SMU1: variants seen among roughly 807,000 people sequenced by gnomAD.
SMU1 encodes SMU1 DNA replication regulator and spliceosomal factor, also known as WD40 repeat-containing protein SMU1.
In SMU1, 2 loss-of-function variants were observed where a neutral mutation model predicts 62.0. The ratio of observed to expected loss-of-function variants is 0.03; its 90% confidence interval spans 0.01 to 0.10. SMU1 has a LOEUF of 0.10. SMU1 is among the 10% of genes least tolerant of loss of function. The pLI is 1.00. For missense variants in SMU1, 227 were observed against 622.1 expected, an observed-to-expected ratio of 0.36 and a Z score of 6.76; for synonymous variants, 188 against 212.4, an observed-to-expected ratio of 0.89 and a Z score of 1.00.
At chr9:33,068,510 ATTTATT>A (rs1839451253) in intron 4 of SMU1, among the ~76,000 whole-genome samples, 3 of 152,066 alleles carry the variant, frequency 2.0e-5, no homozygotes, top group South Asian at 4.1e-4. Flanking sequence ...CACTTTTTAA[ATTTATT>A]TTTATTTTTG....
chr9:33,063,212 A>G (rs1053610651), intron 4 of SMU1, among the ~76,000 whole-genome samples: 2 of 152,212 alleles, frequency 1.3e-5, no homozygotes, highest in Non-Finnish European at 2.9e-5. Context: ...AATTACAAAA[A>G]TTAGCCAGGC....
rs1839156000 is a variant in SMU1, at chr9:33,044,124, G to A, written c.*3169C>T. The A allele has an allele frequency of 6.6e-6, 1 of 152,144 alleles. No homozygotes were observed. The highest frequency in any genetic ancestry group is 1.5e-5 in the Non-Finnish European group (1 of 68,028). The allele number at this position is 152,144 out of a possible 1,614,324, so 9.4% of individuals were successfully genotyped here. A position where few individuals can be genotyped will look rare whatever the true frequency, so the allele number is the denominator to read the frequency against. ...GCTCATGGAATTAATTTTAACGCCA[G>A]GTAGTTTAGCTTCTATGTTAAGTGC... On this transcript the variant is annotated 3_prime_UTR_variant, in exon 12 of 12. Coordinates refer to ENST00000397149, the MANE Select transcript of SMU1 (RefSeq NM_018225.3).
chr9:33,069,705 G>A (rs1839465340), intron 3 of SMU1, among the ~76,000 whole-genome samples: 1 of 152,182 alleles, frequency 6.6e-6, no homozygotes, highest in African/African-American at 2.4e-5. Flanking sequence ...GGGAGGCTGA[G>A]GCAGGAGAAT....
At chr9:33,072,004 T>C in intron 2 of SMU1, 112 bp from the exon 3 acceptor site, 1 of 1,078,500 alleles carries the variant, frequency 9.3e-7, no homozygotes, top group Non-Finnish European at 1.3e-6. Context: ...GGATTTCCAA[T>C]ACCAGGAAGT....
chr9:33,053,961 A>G (rs1839277730), intron 9 of SMU1, among the ~76,000 whole-genome samples: 1 of 152,130 alleles, frequency 6.6e-6, no homozygotes, highest in Non-Finnish European at 1.5e-5. Flanking sequence ...GTCATAAACA[A>G]CCAGAAAGCT....
rs1277437857 is a variant in SMU1 at position 33,043,656 on chromosome 9, T to G, written c.*3637A>C. 1 of 152,156 alleles carries G rather than the reference T, an allele frequency of 6.6e-6. No homozygotes were observed. Among genetic ancestry groups the G allele is most frequent in the African/African-American group, 2.4e-5 (1 of 41,418 alleles). 9.4% of individuals were successfully genotyped at this position (152,156 alleles called of 1,614,324 possible). A position where few individuals can be genotyped will look rare whatever the true frequency, so the allele number is the denominator to read the frequency against. On this transcript the variant is annotated 3_prime_UTR_variant, in exon 12 of 12. Coordinates refer to ENST00000397149, the MANE Select transcript of SMU1 (RefSeq NM_018225.3). ...GCATGTGGAGGAACAATCCATGTAT[T>G]CTTTGTCCCTGCCCAAACCTAAAGA...
intron 11 of SMU1, among the ~76,000 whole-genome samples, 193 bp downstream of exon 11, chr9:33,047,913 G>A (rs1010698293): frequency 1.3e-5 from 2 of 151,952 alleles, no homozygotes; most frequent in Non-Finnish European, 1.5e-5. Flanking sequence ...TTAAGCCACC[G>A]AGATTTGGGG....
chr9:33,064,912 T>C (rs906415394), intron 4 of SMU1, among the ~76,000 whole-genome samples: 1 of 152,086 alleles, frequency 6.6e-6, no homozygotes, highest in Non-Finnish European at 1.5e-5. Context: ...CCAGCTAATT[T>C]TTCTATTTTT....
In SMU1 at chr9:33,068,953, T is replaced by C; in HGVS notation, c.391-19A>G. 1 of 1,612,892 alleles carries C rather than the reference T, an allele frequency of 6.2e-7. No homozygotes were observed. Among genetic ancestry groups the C allele is most frequent in the Non-Finnish European group, 8.5e-7 (1 of 1,179,338 alleles). On this transcript the variant is annotated intron_variant, in intron 3 of 11. Transcript: ENST00000397149. ...GGTATGCCTGAAAAAGGAGAGGGTG[T>C]AGCATCATTTCCAAGAAGCAACAAC...
chr9:33,076,527 C>T lies in SMU1; in HGVS notation c.26+56G>A, dbSNP rs1587715404. The T allele has an allele frequency of 5.0e-6, 8 of 1,608,570 alleles. No individual in the cohort carries two copies. In the East Asian group the frequency reaches 1.8e-4, roughly 36 times the overall value. ...CTTCTCCCGAGTACCCTCCGCCCCA[C>T]ACCCTTAACCTCCAGGCCCCCGGCA... On this transcript the variant is annotated intron_variant, in intron 1 of 11. Transcript: ENST00000397149.
intron 10 of SMU1, 162 bp from the exon 11 acceptor site, chr9:33,048,420 G>T: frequency 4.7e-6 from 2 of 424,284 alleles, no homozygotes; most frequent in Non-Finnish European, 3.2e-6. Flanking sequence ...AACTCCCCTT[G>T]CCTGGGAAAT....
At chr9:33,055,742 A>G (rs962367793) in intron 9 of SMU1, among the ~76,000 whole-genome samples, 1 of 152,224 alleles carries the variant, frequency 6.6e-6, no homozygotes, top group African/African-American at 2.4e-5. Context: ...AAAGAGATCT[A>G]TTTATTAGGC....
At chr9:33,074,772 CTT>C (rs757049046) in intron 1 of SMU1, among the ~76,000 whole-genome samples, 48 of 133,898 alleles carry the variant, frequency 3.6e-4, no homozygotes, top group African/African-American at 1.0e-3. Context: ...CAAACATCCT[CTT>C]TTTTTTTTTT....
Position 33,048,036 on chromosome 9 carries a change from A to G in SMU1, c.1443+70T>C, listed in dbSNP as rs1451045021. 6.8e-6 allele frequency: 10 copies of G among 1,460,862 alleles called. No homozygotes were observed. The East Asian group carries it at 1.8e-4, about 27-fold the overall frequency. 90.5% of individuals were successfully genotyped at this position (1,460,862 alleles called of 1,614,324 possible). ...ACATCGATAGCTCTGGAAAAGGCAC[A>G]TACTTCAGAGTTCAGAAAGACACAA... On this transcript the variant is annotated intron_variant, in intron 11 of 11. Transcript: ENST00000397149.
intron 3 of SMU1, 136 bp downstream of exon 3, chr9:33,071,604 C>A: frequency 1.1e-6 from 1 of 896,142 alleles, no homozygotes. Context: ...CATATATAAA[C>A]AGAGAAGCAT....
Position 33,057,691 on chromosome 9 carries a change from A to T in SMU1, c.774T>A (p.Asp258Glu), listed in dbSNP as rs538564093. The change falls in exon 7 of 12, where the codon GAT (aspartate) becomes GAA (glutamate). Residue 258 changes from aspartate (D) to glutamate (E), a missense_variant. By Grantham distance (45) the Asp-to-Glu change is conservative (BLOSUM62 2). Transcript: ENST00000397149. ...CAGCATCATCCATCATCATAAAGTT[A>T]TCTTGGGCCTGGTACTTAAGATCCT... is the stretch of plus-strand genomic sequence containing the variant. ...IRKDLKYQAQ[D>E]NFMMMDDAVL... The T allele has an allele frequency of 2.5e-6, 4 of 1,613,940 alleles. No individual in the cohort carries two copies. Among genetic ancestry groups the T allele is most frequent in the African/African-American group, 2.7e-5 (2 of 75,046 alleles).
intron 4 of SMU1, among the ~76,000 whole-genome samples, chr9:33,067,179 T>C (rs1413790754): frequency 6.6e-6 from 1 of 151,766 alleles, no homozygotes; most frequent in Non-Finnish European, 1.5e-5. Flanking sequence ...TGAATATAGA[T>C]TGAACCAAAA....
At chr9:33,059,522 G>A (rs77274884) in intron 6 of SMU1, among the ~76,000 whole-genome samples, 6,095 of 151,222 alleles carry the variant, frequency 0.04, 189 homozygotes, top group East Asian at 0.13. Context: ...CCCGGGAGGC[G>A]GAGGTTGCAG....
At chr9:33,047,977 A>C in intron 11 of SMU1, 129 bp downstream of exon 11, 1 of 751,448 alleles carries the variant, frequency 1.3e-6, no homozygotes, top group East Asian at 2.7e-5. Flanking sequence ...ATGGAGCTAA[A>C]TGTTTTAAAA....
Sources: gnomAD v4.1 joint callset for allele counts (sites outside exome capture counted in the v4.1 genomes callset) on GRCh38, gnomAD v4.1.1 for gene constraint, MANE v1.5 for transcripts, NCBI Gene and HGNC (gene_info 2026-07-23, HGNC 2026-07-21) for gene names.